The following KLHL5 variants were observed in gnomAD, a reference collection of about 807,000 sequenced individuals.
KLHL5 encodes kelch like family member 5.
Under a neutral mutation model 77.7 loss-of-function variants are expected in KLHL5, and 48 were observed. That is an observed-to-expected ratio of 0.62 (90% CI 0.49 to 0.79). The LOEUF (loss-of-function observed/expected upper bound fraction) is 0.79, where lower values mean the gene tolerates loss of function less well. KLHL5 is among the 30% of genes least tolerant of loss of function. The probability of loss-of-function intolerance (pLI) is 0.00; values close to 1 mark genes in which losing one functional copy is unlikely to be tolerated. For missense variants in KLHL5, 723 were observed against 859.7 expected, an observed-to-expected ratio of 0.84 and a Z score of 1.99; for synonymous variants, 260 against 297.0, an observed-to-expected ratio of 0.88 and a Z score of 1.28.
chr4:39,139,387 G>T, the KLHL5 span, among the ~76,000 whole-genome samples: 1 of 152,110 alleles, frequency 6.6e-6, no homozygotes, highest in Non-Finnish European at 1.5e-5. Flanking sequence ...TAGGGGTTAG[G>T]GGAGAGGGAA....
At position 39,062,848 on chromosome 4, in the gene KLHL5, A is replaced by G. The variant is rs781738837; in HGVS notation, c.196A>G (p.Ile66Val). 1.9e-6 allele frequency: 3 copies of G among 1,614,114 alleles called. No homozygotes were observed. Among genetic ancestry groups the G allele is most frequent in the East Asian group, 2.2e-5 (1 of 44,872 alleles). Residue 66 changes from isoleucine (I) to valine (V), a missense_variant, in exon 1 of 11, where the codon ATT (isoleucine) becomes GTT (valine). By Grantham distance (29) the Ile-to-Val change is conservative. Coordinates refer to ENST00000504108, the MANE Select transcript of KLHL5 (RefSeq NM_015990.5). ...PCSLQLPLAS[I>V]GYRRSSQLDF... ...TAGCCTACAATTGCCTTTGGCTTCA[A>G]TTGGTTACCGAAGGTCCAGCCAACT...
intron 6 of KLHL5, among the ~76,000 whole-genome samples, chr4:39,100,899 G>A (rs142681622): frequency 2.2e-4 from 33 of 151,960 alleles, no homozygotes; most frequent in African/African-American, 7.0e-4. Context: ...TGCCTTAGTC[G>A]GTTGGTAGTC....
chr4:39,132,731 GA>G, the KLHL5 span, among the ~76,000 whole-genome samples: 1 of 152,092 alleles, frequency 6.6e-6, no homozygotes, highest in African/African-American at 2.4e-5. Context: ...AATGCCCACA[GA>G]AAATAGCACA....
At position 39,121,179 on chromosome 4, in the gene KLHL5, A is replaced by T; in HGVS notation, c.*113A>T. 1 of 810,126 alleles carries T rather than the reference A, an allele frequency of 1.2e-6. No individual in the cohort carries two copies. The highest frequency in any genetic ancestry group is 2.1e-6 in the Non-Finnish European group (1 of 484,876). The allele number at this position is 810,126 out of a possible 1,614,324, so 50.2% of individuals were successfully genotyped here. A position where few individuals can be genotyped will look rare whatever the true frequency, so the allele number is the denominator to read the frequency against. On this transcript the variant is annotated 3_prime_UTR_variant, in exon 11 of 11. Transcript: ENST00000504108. ...TGTGCATTGTCACAATCCTGGGCAC[A>T]AAGTGCCTGATGTCAAAATGAAGAT...
In KLHL5 at chr4:39,062,786, C is replaced by T; in HGVS notation, c.134C>T (p.Thr45Ile). The T allele has an allele frequency of 6.2e-7, 1 of 1,614,146 alleles. No homozygotes were observed. Among genetic ancestry groups the T allele is most frequent in the Non-Finnish European group, 8.5e-7 (1 of 1,180,012 alleles). ...GGAGAATTTTGGAACCGAGGACAGA[C>T]TGGAGCAAACGGTGGGAGAAAGTTT... ...QQGEFWNRGQ[T>I]GANGGRKFLD... The change falls in exon 1 of 11, where the codon ACT becomes ATT. Residue 45 changes from threonine to isoleucine, a missense_variant. By Grantham distance (89) the Thr-to-Ile change is moderately conservative (BLOSUM62 -1). Transcript: ENST00000504108.
In KLHL5 at chr4:39,063,017, C is replaced by T; in HGVS notation, c.365C>T (p.Ser122Phe). 1 of 1,612,386 alleles carries T rather than the reference C, an allele frequency of 6.2e-7. No individual in the cohort carries two copies. Among genetic ancestry groups the T allele is most frequent in the Non-Finnish European group, 8.5e-7 (1 of 1,178,994 alleles). The change falls in exon 1 of 11, where the codon TCT (serine) becomes TTT (phenylalanine). Residue 122 changes from serine (S) to phenylalanine (F), a missense_variant. By Grantham distance (155) the Ser-to-Phe change is radical (BLOSUM62 -2). This residue lies in a region of KLHL5 where 221 missense variants were observed against 222.1 expected (regional missense o/e 1.00). Coordinates refer to ENST00000504108, the MANE Select transcript of KLHL5 (RefSeq NM_015990.5). ...DDGTSEEENE[S>F]DSSSCRTSNS... The stretch of plus-strand genomic sequence containing the variant: ...GGCACTAGTGAAGAAGAAAATGAAT[C>T]TGATTCCAGTTCATGCAGGTTGATT...
the KLHL5 span, among the ~76,000 whole-genome samples, chr4:39,141,069 T>A: frequency 5.9e-5 from 9 of 152,252 alleles, no homozygotes; most frequent in Middle Eastern, 3.4e-3. Flanking sequence ...TTAGTTATGA[T>A]TTCCAGGGCA....
chr4:39,047,493 A>T (rs538142682), intron 1 of KLHL5, among the ~76,000 whole-genome samples: 3 of 152,368 alleles, frequency 2.0e-5, no homozygotes, highest in African/African-American at 7.2e-5. Flanking sequence ...AGGTTTAATG[A>T]GAATTGGAAA....
At chr4:39,080,599 T>C (rs1461384325) in intron 2 of KLHL5, among the ~76,000 whole-genome samples, 1 of 151,480 alleles carries the variant, frequency 6.6e-6, no homozygotes, top group Non-Finnish European at 1.5e-5. Flanking sequence ...ATATATTTTA[T>C]AATTATAAAA....
chr4:39,048,638 C>CTTTTTTTTTTT lies in KLHL5; in HGVS notation c.-95+3553_-95+3563dup, dbSNP rs34713116. Among the ~76,000 whole-genome samples the CTTTTTTTTTTT allele has an allele frequency of 5.8e-4, 46 of 79,134 alleles. 6 individuals carry two copies. Among genetic ancestry groups the CTTTTTTTTTTT allele is most frequent in the African/African-American group, 2.0e-3 (38 of 18,592 alleles). 51.9% of individuals were successfully genotyped at this position (79,134 alleles called of 152,430 possible). On this transcript the variant is annotated intron_variant, in intron 1 of 11. Transcript: ENST00000261425. The stretch of plus-strand genomic sequence containing the variant: ...AAAGGATGTGGTGATTTTACATTGG[C>CTTTTTTTTTTT]TTTTTTTTTTTTTTTTTTTTTGGAG...
chr4:39,096,648 A>G (rs762579842), intron 5 of KLHL5, 44 bp from the exon 6 acceptor site: 1 of 1,341,966 alleles, frequency 7.5e-7, no homozygotes, highest in East Asian at 2.4e-5. Context: ...AAACCCTACC[A>G]TTTTCTTAGT....
the KLHL5 span, among the ~76,000 whole-genome samples, chr4:39,133,758 A>G: frequency 6.6e-6 from 1 of 152,156 alleles, no homozygotes; most frequent in Non-Finnish European, 1.5e-5. Context: ...TAGTCAGCAA[A>G]CTACAGCCCA....
intron 9 of KLHL5, among the ~76,000 whole-genome samples, chr4:39,114,805 A>G (rs887845836): frequency 1.3e-5 from 2 of 152,208 alleles, no homozygotes; most frequent in African/African-American, 4.8e-5. Flanking sequence ...TCATGAAAAG[A>G]GCAAGACAGC....
chr4:39,057,071 C>T (rs1339486052), intron 1 of KLHL5, among the ~76,000 whole-genome samples: 1 of 152,150 alleles, frequency 6.6e-6, no homozygotes, highest in Non-Finnish European at 1.5e-5. Context: ...CCTCAAAAAC[C>T]TCAACTTCAA....
rs548494597 is a variant in KLHL5 at position 39,081,086 on chromosome 4, T to C, written c.567-17T>C. 1.3e-6 allele frequency: 2 copies of C among 1,582,838 alleles called. No individual in the cohort carries two copies. Among genetic ancestry groups the C allele is most frequent in the Admixed American group, 3.9e-5 (2 of 51,560 alleles). ...CGAATGTGGTCATTGATTTTTTTTT[T>C]CCTAATGTGTTCACAGATTGGTGCT... On this transcript the variant is annotated splice_polypyrimidine_tract_variant and intron_variant, in intron 2 of 10. Transcript: ENST00000504108. This position sits in a 1 kb window ranked among gnomAD's most constrained non-coding sequence, Gnocchi z 4.3.
the KLHL5 span, among the ~76,000 whole-genome samples, chr4:39,131,898 A>G: frequency 7.2e-5 from 11 of 152,056 alleles, no homozygotes; most frequent in East Asian, 1.9e-4. Flanking sequence ...AAAAAAAAAA[A>G]AAAAAGAAAA....
chr4:39,062,524 A>T lies in KLHL5; in HGVS notation c.-129A>T. 6.2e-7 allele frequency: 1 copy of T among 1,607,744 alleles called. No individual in the cohort carries two copies. Among genetic ancestry groups the T allele is most frequent in the Non-Finnish European group, 8.5e-7 (1 of 1,175,014 alleles). On this transcript the variant is annotated 5_prime_UTR_variant, in exon 1 of 11. An upstream open reading frame in the 5' UTR loses its in-frame stop. Transcript: ENST00000504108. Reference sequence around the variant, plus strand: ...AATTGTAGATATATATATGAATGTGATTTATTTTCCTTTACATATTTTTGT... The same window carrying T: ...AATTGTAGATATATATATGAATGTGTTTTATTTTCCTTTACATATTTTTGT...
chr4:39,136,169 A>AT, the KLHL5 span, among the ~76,000 whole-genome samples: 1 of 148,096 alleles, frequency 6.8e-6, no homozygotes, highest in Admixed American at 6.6e-5. Flanking sequence ...TAATAATAAT[A>AT]ATTTTTTTTT....
At chr4:39,119,335 C>T (rs1723057659) in intron 10 of KLHL5, among the ~76,000 whole-genome samples, 1 of 152,058 alleles carries the variant, frequency 6.6e-6, no homozygotes, top group Admixed American at 6.6e-5. Context: ...CCCTGTAATC[C>T]CGGCACTTTG....
Sources: allele counts gnomAD v4.1 joint callset (sites outside exome capture counted in the v4.1 genomes callset), GRCh38; gene constraint gnomAD v4.1.1; regional missense constraint gnomAD v4.1.1; non-coding constraint Gnocchi (gnomAD v3.1); transcripts MANE v1.5; gene names NCBI Gene and HGNC (gene_info 2026-07-23, HGNC 2026-07-21).